SNX25: variants seen among roughly 807,000 people sequenced by gnomAD.
SNX25 encodes sorting nexin 25.
In SNX25, 62 loss-of-function variants were observed where a neutral mutation model predicts 113.7. The observed-to-expected ratio is 0.55, with a 90% CI of 0.44 to 0.67. SNX25 has a LOEUF of 0.67. Ranked by LOEUF, SNX25 falls within the 30% of genes least tolerant of loss-of-function variation. The pLI is 0.00. For synonymous variants in SNX25, 421 were observed against 436.2 expected (o/e 0.97, Z 0.43); for missense variants, 1,014 against 1,161.0 (o/e 0.87, Z 1.84).
chr4:185,242,294 A>G (rs1223917547), intron 1 of SNX25, among the ~76,000 whole-genome samples: 1 of 152,086 alleles, frequency 6.6e-6, no homozygotes, highest in Non-Finnish European at 1.5e-5. Context: ...GGTGTCCTCT[A>G]ATTGTTCCAG....
downstream of SNX25, among the ~76,000 whole-genome samples, chr4:185,370,442 T>C (rs1182277939): frequency 6.6e-6 from 1 of 152,124 alleles, no homozygotes; most frequent in Admixed American, 6.6e-5. Flanking sequence ...CTTTTAATCA[T>C]TGGAGCTAAA....
At position 185,239,443 on chromosome 4, in the gene SNX25, G is replaced by C. The variant is rs141740823; in HGVS notation, c.430-7851G>C. Among the ~76,000 whole-genome samples, 8 of 151,782 alleles carry C rather than the reference G, an allele frequency of 5.3e-5. No homozygotes were observed. The East Asian group carries it at 9.6e-4, about 18-fold the overall frequency. The stretch of plus-strand genomic sequence containing the variant: ...GCTTGCAGTGAGCTGAGATCGCACC[G>C]CTGCACTCCAGCCTGGCAACAGAGT... On this transcript the variant is annotated intron_variant, in intron 1 of 18. Transcript: ENST00000652585.
the SNX25 span, among the ~76,000 whole-genome samples, chr4:185,376,488 G>A: frequency 2.8e-5 from 4 of 143,034 alleles, no homozygotes; most frequent in South Asian, 6.6e-4. Context: ...CAGATGGGGT[G>A]TAGCCATGTT....
intron 13 of SNX25, among the ~76,000 whole-genome samples, chr4:185,349,787 A>G (rs977449049): frequency 4.6e-5 from 7 of 152,152 alleles, no homozygotes; most frequent in African/African-American, 7.2e-5. Context: ...ATTTGAATAT[A>G]ATTTAAGGCC....
chr4:185,267,273 T>A, intron 5 of SNX25, 118 bp downstream of exon 5: 1 of 982,076 alleles, frequency 1.0e-6, no homozygotes, highest in Non-Finnish European at 1.5e-6. Context: ...AGTCTATAAA[T>A]CTTACTATTT....
In SNX25 at chr4:185,363,392, T is replaced by G; in HGVS notation, c.2942T>G (p.Met981Arg). Reference sequence around the variant, plus strand: ...CCTTCTTTGTTGGTTCAGGCGCTGATGGAACTGCTGCTAATTGAACTGTGT... The same window carrying G: ...CCTTCTTTGTTGGTTCAGGCGCTGAGGGAACTGCTGCTAATTGAACTGTGT... ...RANKHLLYALMELLLIELCPE... is the reference protein window; with the variant it reads ...RANKHLLYALRELLLIELCPE... The change falls in exon 19 of 19, where the codon ATG becomes AGG. Residue 981 changes from methionine (M) to arginine (R), a missense_variant. Coordinates refer to ENST00000652585, the MANE Select transcript of SNX25 (RefSeq NM_001378034.2). The surrounding 1 kb of genome is among the most constrained non-coding windows in gnomAD (Gnocchi z 4.2). 6.2e-7 allele frequency: 1 copy of G among 1,614,138 alleles called. No homozygotes were observed. The highest frequency in any genetic ancestry group is 8.5e-7 in the Non-Finnish European group (1 of 1,179,996).
rs1285511361 is a variant in SNX25, at chr4:185,267,162, G to T, written c.1091+7G>T. 1.2e-6 allele frequency: 2 copies of T among 1,609,452 alleles called. No individual in the cohort carries two copies. Among genetic ancestry groups the T allele is most frequent in the South Asian group, 1.1e-5 (1 of 90,220 alleles). The stretch of plus-strand genomic sequence containing the variant: ...AGTTCTTGAAGCAACTAAGGTATTT[G>T]GTCTTCAATTATAGCACAGCAACAG... On this transcript the variant is annotated splice_region_variant and intron_variant, in intron 5 of 18. Coordinates refer to ENST00000652585, the MANE Select transcript of SNX25 (RefSeq NM_001378034.2).
chr4:185,365,789 A>G (rs1385228738), downstream of SNX25: 2 of 152,092 alleles, frequency 1.3e-5, no homozygotes, highest in Non-Finnish European at 2.9e-5. Flanking sequence ...GGTTGAAGGA[A>G]TGTTACATGG....
intron 1 of SNX25, among the ~76,000 whole-genome samples, chr4:185,245,725 GAGGAAA>G (rs1194474140): frequency 1.3e-5 from 2 of 152,166 alleles, no homozygotes; most frequent in Non-Finnish European, 2.9e-5. Context: ...CCTCCGCCTA[GAGGAAA>G]CCACTTTTAA....
intron 4 of SNX25, among the ~76,000 whole-genome samples, chr4:185,264,917 T>C (rs1747833313): frequency 6.6e-6 from 1 of 152,156 alleles, no homozygotes; most frequent in African/African-American, 2.4e-5. Flanking sequence ...AATGAAAGTA[T>C]GTGTATGTGT....
chr4:185,337,816 T>C (rs2095239537), intron 10 of SNX25, among the ~76,000 whole-genome samples: 1 of 152,206 alleles, frequency 6.6e-6, no homozygotes, highest in Admixed American at 6.5e-5. Context: ...AACCAATTCA[T>C]CTTATATTTC....
At chr4:185,369,227 CT>C (rs35543353) in intron 11 of SNX25, among the ~76,000 whole-genome samples, 24,190 of 100,688 alleles carry the variant, frequency 0.24, 1,297 homozygotes, top group African/African-American at 0.35. Context: ...ATACAGAGAG[CT>C]TTTTTTTTTT....
intron 2 of SNX25, among the ~76,000 whole-genome samples, chr4:185,256,025 A>G (rs1211057690): frequency 2.0e-5 from 3 of 152,208 alleles, no homozygotes; most frequent in Non-Finnish European, 4.4e-5. Context: ...TCAAATTAAT[A>G]TCTGAAAATG....
chr4:185,300,443 C>T (rs1271039725), intron 6 of SNX25, among the ~76,000 whole-genome samples: 1 of 151,332 alleles, frequency 6.6e-6, no homozygotes, highest in East Asian at 2.0e-4. Context: ...GCTGGGATTA[C>T]AGGTGTGAGC....
At chr4:185,315,501 C>T (rs868624742) in intron 7 of SNX25, among the ~76,000 whole-genome samples, 6 of 151,956 alleles carry the variant, frequency 3.9e-5, no homozygotes, top group African/African-American at 1.4e-4. Flanking sequence ...ACCATGTTGG[C>T]CAGGCTGGTC....
chr4:185,369,654 CTA>C (rs2095408128), intron 11 of SNX25: 2 of 381,510 alleles, frequency 5.2e-6, no homozygotes, highest in Non-Finnish European at 5.1e-6. Context: ...TGCTATGTGT[CTA>C]TGTTTATGTT....
intron 1 of SNX25, among the ~76,000 whole-genome samples, chr4:185,218,892 GT>G (rs34422930): frequency 0.65 from 98,947 of 151,816 alleles, 32,326 homozygotes; most frequent in East Asian, 0.73. Context: ...TAATTTTAAA[GT>G]TTTTTTTAAT....
At chr4:185,212,463 A>ATTTGTG (rs143929504) in intron 1 of SNX25, among the ~76,000 whole-genome samples, 21 of 119,402 alleles carry the variant, frequency 1.8e-4, no homozygotes, top group South Asian at 5.3e-4. Context: ...AATTTGTGTG[A>ATTTGTG]TGTGTGTGTG....
intron 7 of SNX25, among the ~76,000 whole-genome samples, chr4:185,311,081 A>G (rs1295929401): frequency 6.6e-6 from 1 of 152,116 alleles, no homozygotes; most frequent in African/African-American, 2.4e-5. Context: ...TGTCCTCCCC[A>G]GAGGACCCAG....
Sources: gnomAD v4.1 joint callset for allele counts (sites outside exome capture counted in the v4.1 genomes callset) on GRCh38, gnomAD v4.1.1 for gene constraint, Gnocchi (gnomAD v3.1) non-coding constraint, MANE v1.5 for transcripts, NCBI Gene and HGNC (gene_info 2026-07-23, HGNC 2026-07-21) for gene names.